Variants in STIM1 observed in about 807,000 individuals in gnomAD.
STIM1 encodes the protein stromal interaction molecule 1.
In STIM1, 25 loss-of-function variants were observed where a neutral mutation model predicts 74.7. That is an observed-to-expected ratio of 0.33 (90% CI 0.24 to 0.47). STIM1 has a LOEUF of 0.47. Among genes scored for constraint, STIM1 ranks in the 20% least tolerant of loss-of-function variants. The probability of loss-of-function intolerance (pLI) is 1.00; values close to 1 mark genes in which losing one functional copy is unlikely to be tolerated. For missense variants in STIM1, 728 were observed against 920.8 expected (o/e 0.79, Z 2.71); for synonymous variants, 328 against 348.8 (o/e 0.94, Z 0.66).
chr11:3,932,181 G>C (rs10767721), intron 1 of STIM1, among the ~76,000 whole-genome samples: 54,085 of 152,000 alleles, frequency 0.36, 9,864 homozygotes, highest in South Asian at 0.49. Context: ...ACTCTCTTCC[G>C]TGTATGTAAG....
In STIM1 at chr11:4,070,162, G is replaced by T; in HGVS notation, c.750G>T (p.Gly250=). 1 of 1,614,166 alleles carries T rather than the reference G, an allele frequency of 6.2e-7. No homozygotes were observed. Among genetic ancestry groups the T allele is most frequent in the East Asian group, 2.2e-5 (1 of 44,884 alleles). ...AGAAGATGATGAAGGACTTGGAGGG[G>T]TTACACCGAGCTGAGCAGAGTCTGC... ...HMKKMMKDLE[G]LHRAEQSLHD... The change falls in exon 6 of 13, where the codon GGG becomes GGT. Residue 250 remains glycine, a synonymous_variant. Transcript: ENST00000526596.
chr11:4,017,675 G>T (rs1300806922), intron 2 of STIM1, among the ~76,000 whole-genome samples: 1 of 152,122 alleles, frequency 6.6e-6, no homozygotes, highest in Non-Finnish European at 1.5e-5. Context: ...AGAGGTTCTA[G>T]GTTGGAGCCT....
intron 3 of STIM1, among the ~76,000 whole-genome samples, chr11:4,041,934 A>G (rs1455963207): frequency 6.6e-6 from 1 of 152,170 alleles, no homozygotes; most frequent in Non-Finnish European, 1.5e-5. Flanking sequence ...AGCTGACTAA[A>G]GGCTAAGTGA....
intron 12 of STIM1, 69 bp from the exon 13 acceptor site, chr11:4,091,213 T>C (rs929694328): frequency 1.2e-5 from 19 of 1,607,492 alleles, no homozygotes; most frequent in African/African-American, 2.7e-5. Context: ...CCCTCTCTCC[T>C]CTTCGCCTTT....
chr11:3,991,614 G>C (rs557239516), intron 2 of STIM1, among the ~76,000 whole-genome samples: 3 of 151,960 alleles, frequency 2.0e-5, no homozygotes, highest in Non-Finnish European at 4.4e-5. Flanking sequence ...TGGAATTGCT[G>C]GATCGAATGG....
At chr11:4,002,314 C>G (rs1385355223) in intron 2 of STIM1, among the ~76,000 whole-genome samples, 1 of 152,078 alleles carries the variant, frequency 6.6e-6, no homozygotes, top group African/African-American at 2.4e-5. Flanking sequence ...ATGCCTATTC[C>G]AAAATTGACC....
intron 1 of STIM1, among the ~76,000 whole-genome samples, chr11:3,890,352 G>C (rs957795316): frequency 2.0e-5 from 3 of 152,150 alleles, no homozygotes; most frequent in African/African-American, 4.8e-5. Context: ...TATCCAAGAG[G>C]CTTTAAGTTT....
In STIM1 at chr11:4,023,862, T is replaced by C. The variant is rs909879064; in HGVS notation, c.271-11T>C. On this transcript the variant is annotated splice_polypyrimidine_tract_variant and intron_variant, in intron 2 of 12. Transcript: ENST00000526596. ...GGTATCTCTTGTGACTTGTGTACTT[T>C]TCCCTTGCAGTTCCTGAGGGAAGAC... 3.7e-6 allele frequency: 6 copies of C among 1,610,794 alleles called. No homozygotes were observed. Among genetic ancestry groups the C allele is most frequent in the South Asian group, 1.1e-5 (1 of 91,008 alleles).
chr11:4,032,392 GATCT>G (rs2094058277), intron 3 of STIM1, among the ~76,000 whole-genome samples: 1 of 152,150 alleles, frequency 6.6e-6, no homozygotes, highest in African/African-American at 2.4e-5. Flanking sequence ...ATGATACGCT[GATCT>G]ATCTGTCTGT....
rs1351350588 is a variant in STIM1, at chr11:3,936,389, G to A, written c.140-31163G>A. On this transcript the variant is annotated intron_variant, in intron 1 of 12. Transcript: ENST00000526596. The stretch of plus-strand genomic sequence containing the variant: ...ATCTAAGCACTAGGAGGGGTGTTGG[G>A]GAGCAAGAGGCCCAGAGATAGGCAG... 2.0e-5 allele frequency among the ~76,000 whole-genome samples: 3 copies of A among 152,272 alleles called. No individual in the cohort carries two copies. In the East Asian group the frequency reaches 5.8e-4, roughly 29 times the overall value.
intron 12 of STIM1, chr11:4,088,900 G>A: frequency 1.4e-6 from 1 of 706,706 alleles, no homozygotes; most frequent in Non-Finnish European, 2.4e-6. Flanking sequence ...ATCTTGCTTT[G>A]GCAGTCCCAA....
At chr11:4,081,943 C>T (rs377218102) in intron 7 of STIM1, among the ~76,000 whole-genome samples, 28 of 152,210 alleles carry the variant, frequency 1.8e-4, no homozygotes, top group East Asian at 1.5e-3. Context: ...AAAAGAATGC[C>T]TTTGTCTGGG....
intron 2 of STIM1, among the ~76,000 whole-genome samples, chr11:3,986,394 G>A (rs1000834205): frequency 1.2e-4 from 19 of 152,162 alleles, no homozygotes; most frequent in African/African-American, 4.6e-4. Flanking sequence ...GTGGTCAGTG[G>A]TTCTTTTAAC....
At chr11:3,963,798 G>A (rs1301491885) in intron 1 of STIM1, among the ~76,000 whole-genome samples, 3 of 152,162 alleles carry the variant, frequency 2.0e-5, no homozygotes, top group Non-Finnish European at 2.9e-5. Flanking sequence ...GGGAGTACAG[G>A]CTGCTGTCAG....
chr11:3,973,177 G>T (rs191191584), intron 2 of STIM1: 2 of 425,764 alleles, frequency 4.7e-6, no homozygotes, highest in African/African-American at 4.0e-5. Context: ...AGCCATCCCT[G>T]TTGCTACCAG....
chr11:3,988,876 A>G (rs139546951), intron 2 of STIM1, among the ~76,000 whole-genome samples: 1,701 of 152,328 alleles, frequency 0.011, 15 homozygotes, highest in Admixed American at 0.025. Flanking sequence ...ACCCCCATCT[A>G]TGGAGTGTTA....
chr11:4,012,534 T>C (rs967347361), intron 2 of STIM1, among the ~76,000 whole-genome samples: 36 of 152,374 alleles, frequency 2.4e-4, no homozygotes, highest in African/African-American at 8.7e-4. Flanking sequence ...TTGTCTGTTC[T>C]TGGTGTATAG....
chr11:4,005,700 G>A (rs535611024), intron 2 of STIM1, among the ~76,000 whole-genome samples: 93 of 152,134 alleles, frequency 6.1e-4, no homozygotes, highest in Non-Finnish European at 1.1e-3. Flanking sequence ...GGCACATTGT[G>A]CACATGTACC....
chr11:3,980,192 A>G (rs1245074003), intron 2 of STIM1, among the ~76,000 whole-genome samples: 3 of 152,232 alleles, frequency 2.0e-5, no homozygotes, highest in African/African-American at 4.8e-5. Context: ...CTGATTACAT[A>G]TAAAGTTTTG....
Sources: gnomAD v4.1 joint callset for allele counts (sites outside exome capture counted in the v4.1 genomes callset) on GRCh38, gnomAD v4.1.1 for gene constraint, MANE v1.5 for transcripts, NCBI Gene and HGNC (gene_info 2026-07-23, HGNC 2026-07-21) for gene names.